The following EMILIN2 variants were observed in gnomAD, a reference collection of about 807,000 sequenced individuals.
The protein encoded by EMILIN2 is elastin microfibril interfacer 2, also known as EMILIN-2.
EMILIN2 carries 71 observed loss-of-function variants against 87.1 expected under a neutral mutation model. The ratio of observed to expected loss-of-function variants is 0.82; its 90% CI spans 0.67 to 0.99. EMILIN2 has a LOEUF of 0.99. Among genes scored for constraint, EMILIN2 ranks in the 50% least tolerant of loss-of-function variants. The pLI is 0.00. For missense variants in EMILIN2, 1,407 were observed against 1,371.8 expected (o/e 1.03, Z -0.40); for synonymous variants, 581 against 563.4 (o/e 1.03, Z -0.44).
intron 4 of EMILIN2, among the ~76,000 whole-genome samples, chr18:2,896,612 C>T (rs1416628103): frequency 6.6e-6 from 1 of 152,162 alleles, no homozygotes; most frequent in Non-Finnish European, 1.5e-5. Context: ...GTAGCTAGTA[C>T]TACTGGCACG....
chr18:2,866,868 C>T (rs765865449), intron 2 of EMILIN2, among the ~76,000 whole-genome samples: 1 of 152,116 alleles, frequency 6.6e-6, no homozygotes, highest in Non-Finnish European at 1.5e-5. Flanking sequence ...TGAAGTATGT[C>T]TCTTGTATGC....
intron 2 of EMILIN2, among the ~76,000 whole-genome samples, chr18:2,874,741 A>G (rs2076738971): frequency 6.6e-6 from 1 of 152,190 alleles, no homozygotes; most frequent in African/African-American, 2.4e-5. Flanking sequence ...TAGAACAGAA[A>G]TATAAGTGTT....
rs2076932201 is a variant in EMILIN2, at chr18:2,909,745, TC to T, written c.2754del (p.Ser919ValfsTer13). ...SFSAGLTQKP[F>X]PSDGGVVLFN... Reference sequence around the variant, plus strand: ...TCTGCGGGGCTCACCCAGAAGCCTTTCCCCAGTGATGGGGGCGTTGTCCTCT... The same window carrying T: ...TCTGCGGGGCTCACCCAGAAGCCTTTCCCAGTGATGGGGGCGTTGTCCTCT... On this transcript the variant is annotated frameshift_variant, in exon 7 of 8. Coordinates refer to ENST00000254528, the MANE Select transcript of EMILIN2 (RefSeq NM_032048.3). LOFTEE classifies it high-confidence loss of function. 1 of 1,613,542 alleles carries T rather than the reference TC, an allele frequency of 6.2e-7. No homozygotes were observed. The highest frequency in any genetic ancestry group is 8.5e-7 in the Non-Finnish European group (1 of 1,179,862).
intron 5 of EMILIN2, 59 bp from the exon 6 acceptor site, chr18:2,908,884 G>A: frequency 6.2e-7 from 1 of 1,606,848 alleles, no homozygotes; most frequent in Non-Finnish European, 8.5e-7. Context: ...AGGGGGCTCA[G>A]AACAAGGAGC....
intron 4 of EMILIN2, among the ~76,000 whole-genome samples, chr18:2,899,167 A>G (rs2076876981): frequency 1.3e-5 from 2 of 152,196 alleles, no homozygotes; most frequent in Non-Finnish European, 2.9e-5. Context: ...AGGAATTTGT[A>G]ATTAAATTTA....
chr18:2,851,637 C>T (rs1416377853), intron 2 of EMILIN2, among the ~76,000 whole-genome samples: 1 of 152,124 alleles, frequency 6.6e-6, no homozygotes, highest in East Asian at 1.9e-4. Context: ...GACTACAGGC[C>T]GCAGGTGCCT....
chr18:2,898,777 A>G (rs116566106), intron 4 of EMILIN2, among the ~76,000 whole-genome samples: 1 of 152,248 alleles, frequency 6.6e-6, no homozygotes, highest in Non-Finnish European at 1.5e-5. Flanking sequence ...GCCTGATGCC[A>G]ACATTCTGAC....
chr18:2,893,720 A>G (rs553857880), intron 4 of EMILIN2, among the ~76,000 whole-genome samples: 31 of 152,258 alleles, frequency 2.0e-4, no homozygotes, highest in African/African-American at 7.0e-4. Flanking sequence ...AACACTTTCT[A>G]TGTACAGCAC....
Position 2,890,612 on chromosome 18 carries a change from G to T in EMILIN2, c.485G>T (p.Gly162Val). The stretch of plus-strand genomic sequence containing the variant: ...CCCAGGAAGACTTTGTCCCCAACTG[G>T]TACAGCACAACCAAGCTGGGGGGTA... ...SEPRKTLSPT[G>V]TAQPSWGVDP... The change falls in exon 4 of 8, where the codon GGT becomes GTT. Residue 162 changes from glycine (G) to valine (V), a missense_variant. Coordinates refer to ENST00000254528, the MANE Select transcript of EMILIN2 (RefSeq NM_032048.3). The surrounding 1 kb of genome is among the most constrained non-coding windows in gnomAD (Gnocchi z 4.7). 1 of 1,610,686 alleles carries T rather than the reference G, an allele frequency of 6.2e-7. No homozygotes were observed. The highest frequency in any genetic ancestry group is 8.5e-7 in the Non-Finnish European group (1 of 1,177,204).
rs1408491244 is a variant in EMILIN2, at chr18:2,880,326, T to C, written c.258-4638T>C. On this transcript the variant is annotated intron_variant, in intron 2 of 7. Transcript: ENST00000254528. The surrounding 1 kb of genome is among the most constrained non-coding windows in gnomAD (Gnocchi z 4.1). ...ATTAGAATCTCCTGGGCCAGTCTAGTGTCTTGACACGGTTGCTGAACCCAT... is the reference window on the plus strand; with the variant it reads ...ATTAGAATCTCCTGGGCCAGTCTAGCGTCTTGACACGGTTGCTGAACCCAT... Among the ~76,000 whole-genome samples the C allele has an allele frequency of 6.6e-6, 1 of 152,190 alleles. No individual in the cohort carries two copies. The highest frequency in any genetic ancestry group is 1.5e-5 in the Non-Finnish European group (1 of 68,032).
chr18:2,862,748 G>A (rs2076667458), intron 2 of EMILIN2, among the ~76,000 whole-genome samples: 1 of 152,180 alleles, frequency 6.6e-6, no homozygotes, highest in Non-Finnish European at 1.5e-5. Flanking sequence ...AATAAGTTAG[G>A]GAGGATTGCC....
intron 2 of EMILIN2, among the ~76,000 whole-genome samples, chr18:2,865,995 A>T (rs563400269): frequency 6.6e-6 from 1 of 152,332 alleles, no homozygotes; most frequent in African/African-American, 2.4e-5. Context: ...TCATGGGTGT[A>T]GGACCTTCCG....
chr18:2,870,946 T>G (rs1285866857), intron 2 of EMILIN2, among the ~76,000 whole-genome samples: 1 of 152,176 alleles, frequency 6.6e-6, no homozygotes, highest in Non-Finnish European at 1.5e-5. Context: ...CCACCACCCT[T>G]TTTTTCTTTA....
chr18:2,857,447 G>A (rs2076633414), intron 2 of EMILIN2, among the ~76,000 whole-genome samples: 2 of 152,322 alleles, frequency 1.3e-5, no homozygotes, highest in Admixed American at 1.3e-4. Context: ...TGACAGGGAT[G>A]TTGTGAGAGG....
Position 2,915,189 on chromosome 18 carries a change from GTCC to G in EMILIN2, c.*1791_*1793del, listed in dbSNP as rs2076961057. Reference sequence around the variant, plus strand: ...GGTCTGGAACATCGGGTAAAACCCAGTCCTCCTCTCAGTGCATCTCTACTCACC... The same window carrying G: ...GGTCTGGAACATCGGGTAAAACCCAGTCCTCTCAGTGCATCTCTACTCACC... On this transcript the variant is annotated 3_prime_UTR_variant, in exon 8 of 8. Transcript: ENST00000254528. 1 of 152,292 alleles carries G rather than the reference GTCC, an allele frequency of 6.6e-6. No individual in the cohort carries two copies. The highest frequency in any genetic ancestry group is 2.4e-5 in the African/African-American group (1 of 41,464). 9.4% of individuals were successfully genotyped at this position (152,292 alleles called of 1,614,324 possible).
At position 2,859,377 on chromosome 18, in the gene EMILIN2, TTGTCCATTCA is replaced by T. The variant is rs565763891; in HGVS notation, c.257+11452_257+11461del. The stretch of plus-strand genomic sequence containing the variant: ...CCATTTGTACATCTTCTTTTGGGAA[TTGTCCATTCA>T]TGTCCTTAGCCTACTTTTTGATGGG... On this transcript the variant is annotated intron_variant, in intron 2 of 7. Coordinates refer to ENST00000254528, the MANE Select transcript of EMILIN2 (RefSeq NM_032048.3). Among the ~76,000 whole-genome samples the T allele has an allele frequency of 1.6e-4, 24 of 152,320 alleles. No homozygotes were observed. The South Asian group carries it at 5.0e-3, about 32-fold the overall frequency.
At position 2,892,276 on chromosome 18, in the gene EMILIN2, G is replaced by T; in HGVS notation, c.2149G>T (p.Asp717Tyr). 6.2e-7 allele frequency: 1 copy of T among 1,614,138 alleles called. No individual in the cohort carries two copies. The highest frequency in any genetic ancestry group is 1.3e-5 in the African/African-American group (1 of 75,042). ...SHMEKTCSKL[D>Y]SISGNLQRIK... ...TATGGAGAAAACTTGCAGCAAGCTG[G>T]ACTCTATCTCAGGAAATCTTCAGAG... Residue 717 changes from aspartate (D) to tyrosine (Y), a missense_variant, in exon 4 of 8, where the codon GAC becomes TAC. Transcript: ENST00000254528.
At chr18:2,871,913 A>G (rs1234196276) in intron 2 of EMILIN2, among the ~76,000 whole-genome samples, 4 of 152,156 alleles carry the variant, frequency 2.6e-5, no homozygotes, top group Non-Finnish European at 5.9e-5. Flanking sequence ...TTATTGTTTC[A>G]AAGCTTTTTC....
At chr18:2,889,128 C>CTTT (rs1218857359) in intron 3 of EMILIN2, among the ~76,000 whole-genome samples, 1 of 83,004 alleles carries the variant, frequency 1.2e-5, no homozygotes, top group Non-Finnish European at 2.6e-5. Context: ...TCATTTCTTT[C>CTTT]TTTTCTTTTT....
Sources: allele counts gnomAD v4.1 joint callset (sites outside exome capture counted in the v4.1 genomes callset), GRCh38; gene constraint gnomAD v4.1.1; non-coding constraint Gnocchi (gnomAD v3.1); transcripts MANE v1.5; gene names NCBI Gene and HGNC (gene_info 2026-07-23, HGNC 2026-07-21).